Variants in TNRC6C observed in about 807,000 individuals in gnomAD.
TNRC6C encodes the protein trinucleotide repeat containing adaptor 6C.
In TNRC6C, 20 loss-of-function variants were observed where a neutral mutation model predicts 153.7. The ratio of observed to expected loss-of-function variants is 0.13; its 90% CI spans 0.09 to 0.19. The LOEUF is 0.19. TNRC6C is among the 10% of genes least tolerant of loss of function. TNRC6C has a pLI of 1.00. For missense variants in TNRC6C, 1,987 were observed against 2,172.0 expected, an observed-to-expected ratio of 0.91 and a Z score of 1.69; for synonymous variants, 811 against 841.4, an observed-to-expected ratio of 0.96 and a Z score of 0.63.
intron 3 of TNRC6C, among the ~76,000 whole-genome samples, chr17:78,055,357 A>G (rs901892763): frequency 6.6e-6 from 1 of 152,224 alleles, no homozygotes; most frequent in African/African-American, 2.4e-5. Flanking sequence ...AACAGGAAGT[A>G]CAGTAAAGAC....
intron 1 of TNRC6C, among the ~76,000 whole-genome samples, chr17:78,018,826 C>A (rs534759333): frequency 1.3e-5 from 2 of 152,152 alleles, no homozygotes; most frequent in Admixed American, 1.3e-4. Flanking sequence ...AACTAGAAAT[C>A]CAGGCCATAG....
chr17:77,964,863 A>G (rs2070885479), intron 1 of TNRC6C, among the ~76,000 whole-genome samples: 2 of 151,832 alleles, frequency 1.3e-5, no homozygotes, highest in South Asian at 4.2e-4. Flanking sequence ...TTTGTTCTTC[A>G]GGGGGCTATG....
rs543549080 is a variant in TNRC6C at position 78,103,959 on chromosome 17, A to G, written c.4712+406A>G. Among the ~76,000 whole-genome samples the G allele has an allele frequency of 5.9e-5, 9 of 152,314 alleles. 2 individuals carry two copies. The highest frequency in any genetic ancestry group is 2.2e-4 in the African/African-American group (9 of 41,566). On this transcript the variant is annotated intron_variant, in intron 19 of 19. Coordinates refer to ENST00000301624, the Ensembl canonical transcript of TNRC6C. ...GGAGGTACTGGGTGTTAGGACTTCA[A>G]CAAAGGAATTGGGGAAAGGCGACAC...
At chr17:78,032,749 A>G (rs2072101296) in intron 2 of TNRC6C, among the ~76,000 whole-genome samples, 1 of 152,224 alleles carries the variant, frequency 6.6e-6, no homozygotes, top group African/African-American at 2.4e-5. Flanking sequence ...GCTGCTTTTT[A>G]ATATGGGTAA....
intron 1 of TNRC6C, among the ~76,000 whole-genome samples, chr17:78,007,393 A>G (rs2143281039): frequency 6.6e-6 from 1 of 152,226 alleles, no homozygotes; most frequent in East Asian, 1.9e-4. Flanking sequence ...TTTTTCTCAG[A>G]CTCTTCATTA....
intron 1 of TNRC6C, among the ~76,000 whole-genome samples, chr17:78,030,218 C>A (rs146840088): frequency 0.011 from 1,725 of 152,130 alleles, 30 homozygotes; most frequent in African/African-American, 0.04. Flanking sequence ...GGCACAGTCT[C>A]GGCTCACTGC....
In TNRC6C at chr17:77,989,146, C is replaced by T. The variant is rs575535560; in HGVS notation, c.-37-15024C>T. On this transcript the variant is annotated intron_variant, in intron 1 of 22. Coordinates refer to the TNRC6C transcript ENST00000636222. The stretch of plus-strand genomic sequence containing the variant: ...TTCTGAAGAAGGGAGGGACCAGCCC[C>T]TTGGCAGACCTTTGGAAGGATGGAC... Among the ~76,000 whole-genome samples, 9 of 152,290 alleles carry T rather than the reference C, an allele frequency of 5.9e-5. No homozygotes were observed. The East Asian group carries it at 1.3e-3, about 23-fold the overall frequency.
chr17:77,971,814 A>G (rs1332036178), intron 1 of TNRC6C, among the ~76,000 whole-genome samples: 1 of 151,856 alleles, frequency 6.6e-6, no homozygotes. Flanking sequence ...TGAATAACCC[A>G]TAGGTTAAAG....
At chr17:78,002,638 A>T (rs2071430772), upstream of TNRC6C, among the ~76,000 whole-genome samples, 1 of 152,182 alleles carries the variant, frequency 6.6e-6, no homozygotes, top group Non-Finnish European at 1.5e-5. Flanking sequence ...CACACCTGTA[A>T]TCCCAGCACT....
At chr17:78,102,423 C>G (rs2144663192) in intron 17 of TNRC6C, 51 bp from the exon 21 acceptor site, 1 of 1,536,454 alleles carries the variant, frequency 6.5e-7, no homozygotes, top group East Asian at 2.4e-5. Context: ...GAGGGCCGCA[C>G]TATCCACTGG....
At chr17:78,107,404 C>A (rs533098371) in exon 20 of TNRC6C, 2 of 152,102 alleles carry the variant, frequency 1.3e-5, no homozygotes, top group African/African-American at 4.8e-5. Context: ...AAGTTGCTTT[C>A]GAAAGTACAA....
chr17:78,021,712 G>T (rs1483590966), intron 1 of TNRC6C, among the ~76,000 whole-genome samples: 1 of 152,100 alleles, frequency 6.6e-6, no homozygotes, highest in Non-Finnish European at 1.5e-5. Flanking sequence ...TGGAATTACA[G>T]GGGTATGCCA....
chr17:78,012,757 A>G (rs1166740825), intron 1 of TNRC6C, among the ~76,000 whole-genome samples: 4 of 152,182 alleles, frequency 2.6e-5, no homozygotes, highest in Non-Finnish European at 5.9e-5. Context: ...GCAGCAGAGG[A>G]GCTGCTGAGT....
Position 78,065,005 on chromosome 17 carries a change from G to T in TNRC6C, c.2611+68G>T, listed in dbSNP as rs2072845839. On this transcript the variant is annotated intron_variant, in intron 4 of 19. Transcript: ENST00000301624. ...ATGACTCAAAGTATTGAATTTTAAAGATTAGAGTTTTAGGATACTTTCCTC... is the reference window on the plus strand; with the variant it reads ...ATGACTCAAAGTATTGAATTTTAAATATTAGAGTTTTAGGATACTTTCCTC... The T allele has an allele frequency of 2.0e-6, 3 of 1,491,218 alleles. No individual in the cohort carries two copies. The Admixed American group carries it at 6.9e-5, about 34-fold the overall frequency. The allele number at this position is 1,491,218 out of a possible 1,614,324, so 92.4% of individuals were successfully genotyped here. A position where few individuals can be genotyped will look rare whatever the true frequency, so the allele number is the denominator to read the frequency against.
intron 16 of TNRC6C, among the ~76,000 whole-genome samples, chr17:78,094,746 GT>G (rs922124166): frequency 3.3e-5 from 5 of 152,218 alleles, no homozygotes; most frequent in African/African-American, 9.6e-5. Flanking sequence ...GGCTGCTTCT[GT>G]GGTTCTTTAA....
Position 78,053,928 on chromosome 17 carries a change from A to G in TNRC6C, c.2395+2471A>G, listed in dbSNP as rs116434015. 2.5e-3 allele frequency among the ~76,000 whole-genome samples: 384 copies of G among 152,316 alleles called. 1 individual carries two copies. The highest frequency in any genetic ancestry group is 8.9e-3 in the African/African-American group (368 of 41,564). On this transcript the variant is annotated intron_variant, in intron 3 of 19. Transcript: ENST00000301624. ...TAATACAGTCATGCATAGCTTAACA[A>G]TGGTGATACATTCTAAGAAATGTGT...
chr17:77,986,144 C>T (rs951848084), intron 1 of TNRC6C, among the ~76,000 whole-genome samples: 1 of 152,158 alleles, frequency 6.6e-6, no homozygotes, highest in African/African-American at 2.4e-5. Flanking sequence ...GGGCTGGGCA[C>T]AGTGGCTCAC....
At chr17:78,081,298 A>AT (rs2144416130) in intron 10 of TNRC6C, among the ~76,000 whole-genome samples, 1 of 151,838 alleles carries the variant, frequency 6.6e-6, no homozygotes, top group Admixed American at 6.6e-5. Context: ...CATTCAGACC[A>AT]TAGCATATGG....
intron 2 of TNRC6C, among the ~76,000 whole-genome samples, chr17:78,036,642 G>A (rs935428663): frequency 6.6e-6 from 1 of 152,134 alleles, no homozygotes; most frequent in Non-Finnish European, 1.5e-5. Context: ...GACTTACATA[G>A]GCCGGGCGCG....
Sources: gnomAD v4.1 joint callset for allele counts (sites outside exome capture counted in the v4.1 genomes callset) on GRCh38, gnomAD v4.1.1 for gene constraint, MANE v1.5 for transcripts, NCBI Gene and HGNC (gene_info 2026-07-23, HGNC 2026-07-21) for gene names.